GOSR2: variants seen among roughly 807,000 people sequenced by gnomAD.
The protein encoded by GOSR2 is 27 kDa Golgi SNARE protein.
Under a neutral mutation model 27.9 loss-of-function variants are expected in GOSR2, and 20 were observed. That is an observed-to-expected ratio of 0.72 (90% CI 0.50 to 1.04). The LOEUF (loss-of-function observed/expected upper bound fraction) is 1.04, where lower values mean the gene tolerates loss of function less well. Among genes scored for constraint, GOSR2 ranks in the 50% least tolerant of loss-of-function variants. The pLI, the probability that GOSR2 is intolerant of heterozygous loss-of-function variation, is 0.00. For missense variants in GOSR2, 261 were observed against 270.5 expected (o/e 0.97, Z 0.25); for synonymous variants, 91 against 98.8 (o/e 0.92, Z 0.47).
At chr17:46,946,369 G>A (rs531319041), downstream of GOSR2, among the ~76,000 whole-genome samples, 696 of 151,288 alleles carry the variant, frequency 4.6e-3, 7 homozygotes, top group African/African-American at 0.015. Context: ...GCTGAGGCAG[G>A]AGAATTGCTT....
chr17:46,962,581 G>A (rs2091124505), intron 6 of GOSR2, among the ~76,000 whole-genome samples: 1 of 152,198 alleles, frequency 6.6e-6, no homozygotes, highest in South Asian at 2.1e-4. Context: ...TAGCTATGCT[G>A]CTGTCTAGAC....
In GOSR2 at chr17:46,950,734, G is replaced by A. The variant is rs182157484; in HGVS notation, c.583+12030G>A. The stretch of plus-strand genomic sequence containing the variant: ...GAGGGCAGGGACTGGTCTGTGTGGG[G>A]GCACTCTTCTGTGGTGGGGTAGTTC... On this transcript the variant is annotated intron_variant, in intron 6 of 6. Coordinates refer to the GOSR2 transcript ENST00000573224. Among the ~76,000 whole-genome samples, 94 of 152,272 alleles carry A rather than the reference G, an allele frequency of 6.2e-4. 1 individual carries two copies. The highest frequency in any genetic ancestry group is 1.8e-3 in the Admixed American group (28 of 15,302).
chr17:46,970,379 A>G (rs1038771894), downstream of GOSR2, among the ~76,000 whole-genome samples: 1 of 152,104 alleles, frequency 6.6e-6, no homozygotes, highest in Non-Finnish European at 1.5e-5. Context: ...TGTCTCTACT[A>G]AAAATGCAAA....
downstream of GOSR2, among the ~76,000 whole-genome samples, chr17:46,944,490 C>A (rs1474658968): frequency 6.6e-6 from 1 of 152,224 alleles, no homozygotes; most frequent in Admixed American, 6.5e-5. Context: ...TGACCCTCAG[C>A]CTGGGCTGCT....
At chr17:46,966,389 C>G (rs908480813) in intron 6 of GOSR2, 11 of 553,176 alleles carry the variant, frequency 2.0e-5, no homozygotes, top group Non-Finnish European at 3.5e-5. Flanking sequence ...TCTTCAAGGC[C>G]CTCAGATACC....
chr17:46,964,408 T>C (rs2091224248), intron 6 of GOSR2: 1 of 152,262 alleles, frequency 6.6e-6, no homozygotes, highest in African/African-American at 2.4e-5. Flanking sequence ...AAAAGCAGCC[T>C]CTGCGAGCCT....
At chr17:46,970,924 C>T (rs913598393), downstream of GOSR2, among the ~76,000 whole-genome samples, 57 of 152,202 alleles carry the variant, frequency 3.7e-4, 1 homozygote, top group Admixed American at 1.6e-3. Flanking sequence ...CTAATTCTAT[C>T]GATCCCTCAA....
chr17:46,963,612 A>G (rs2091188655), intron 6 of GOSR2: 2 of 152,096 alleles, frequency 1.3e-5, no homozygotes, highest in African/African-American at 4.8e-5. Context: ...ACACTTCATA[A>G]CAAGCACTAA....
At chr17:46,951,985 G>A (rs917021776) in intron 6 of GOSR2, among the ~76,000 whole-genome samples, 7 of 152,106 alleles carry the variant, frequency 4.6e-5, no homozygotes, top group Admixed American at 3.9e-4. Context: ...CATCCTCTCA[G>A]AGTGGCTATA....
At chr17:46,950,168 T>A (rs1419776953) in intron 6 of GOSR2, among the ~76,000 whole-genome samples, 1 of 152,226 alleles carries the variant, frequency 6.6e-6, no homozygotes, top group Non-Finnish European at 1.5e-5. Context: ...TTTTTCAATG[T>A]CTCTGCAAGA....
At position 46,940,593 on chromosome 17, in the gene GOSR2, A is replaced by T; in HGVS notation, c.*1833A>T. 6.2e-7 allele frequency: 1 copy of T among 1,614,180 alleles called. No homozygotes were observed. The highest frequency in any genetic ancestry group is 8.5e-7 in the Non-Finnish European group (1 of 1,180,038). On this transcript the variant is annotated 3_prime_UTR_variant, in exon 6 of 6. Transcript: ENST00000640051. ...CTGCCAGACAGCACACTTTGGAGGA[A>T]GGTCTGCAGGGAGCAGCTGAGCCAT...
intron 6 of GOSR2, among the ~76,000 whole-genome samples, chr17:46,953,407 G>A (rs373824403): frequency 3.3e-5 from 5 of 152,236 alleles, no homozygotes; most frequent in African/African-American, 7.2e-5. Flanking sequence ...ATAGTATTCC[G>A]TGGTGTATAT....
At chr17:46,959,170 G>C (rs1461512008) in intron 6 of GOSR2, among the ~76,000 whole-genome samples, 5 of 152,202 alleles carry the variant, frequency 3.3e-5, no homozygotes, top group African/African-American at 4.8e-5. Context: ...GAGGTTGGGC[G>C]TAGTGGCAGA....
chr17:46,932,594 C>G (rs1054117411), intron 4 of GOSR2: 1 of 428,054 alleles, frequency 2.3e-6, no homozygotes, highest in Non-Finnish European at 4.2e-6. Flanking sequence ...GCCATTGTGC[C>G]GAGTATGTGT....
downstream of GOSR2, among the ~76,000 whole-genome samples, chr17:46,970,703 C>T (rs1013657179): frequency 2.0e-5 from 3 of 152,128 alleles, no homozygotes; most frequent in African/African-American, 7.2e-5. Context: ...GGCTCAGAGA[C>T]CCGGAAACAG....
downstream of GOSR2, among the ~76,000 whole-genome samples, chr17:46,942,316 CAG>C (rs1458245802): frequency 3.3e-5 from 5 of 152,350 alleles, no homozygotes; most frequent in Admixed American, 2.0e-4. Context: ...GGAGGTCAGA[CAG>C]GGATTTTCCT....
chr17:46,941,956 G>C lies in GOSR2; in HGVS notation c.*3196G>C, dbSNP rs1431493686. ...GACAGAAAGCTTCTGTCTCAAAGAT[G>C]ATCACATTGGTGTAAAGAGCAAAAC... On this transcript the variant is annotated 3_prime_UTR_variant, in exon 6 of 6. Coordinates refer to ENST00000640051, the MANE Select transcript of GOSR2 (RefSeq NM_004287.5). 7 of 985,014 alleles carry C rather than the reference G, an allele frequency of 7.1e-6. No homozygotes were observed. The highest frequency in any genetic ancestry group is 6.0e-6 in the Non-Finnish European group (5 of 829,764). The allele number at this position is 985,014 out of a possible 1,614,324, so 61.0% of individuals were successfully genotyped here. A position where few individuals can be genotyped will look rare whatever the true frequency, so the allele number is the denominator to read the frequency against.
downstream of GOSR2, among the ~76,000 whole-genome samples, chr17:46,968,278 C>T (rs934460296): frequency 6.6e-6 from 1 of 152,218 alleles, no homozygotes; most frequent in Non-Finnish European, 1.5e-5. Context: ...CTCTTCCTCT[C>T]CCTCCGCACT....
chr17:46,923,873 A>G (rs1474669255), intron 1 of GOSR2: 1 of 398,354 alleles, frequency 2.5e-6, no homozygotes. Context: ...GTAGTTGAGT[A>G]TTAATGGGGC....
Sources: gnomAD v4.1 joint callset for allele counts (sites outside exome capture counted in the v4.1 genomes callset) on GRCh38, gnomAD v4.1.1 for gene constraint, MANE v1.5 for transcripts, NCBI Gene and HGNC (gene_info 2026-07-23, HGNC 2026-07-21) for gene names.